CREBBP: variants seen among roughly 807,000 people sequenced by gnomAD.
CREBBP encodes CREB-binding protein.
In CREBBP, 19 loss-of-function variants were observed where a neutral mutation model predicts 265.0. The observed-to-expected ratio is 0.07, with a 90% CI of 0.05 to 0.11. The LOEUF (loss-of-function observed/expected upper bound fraction) is 0.11, where lower values mean the gene tolerates loss of function less well. CREBBP is among the 10% of genes least tolerant of loss of function. CREBBP has a pLI of 1.00. For missense variants in CREBBP, 2,525 were observed against 3,219.0 expected (o/e 0.78, Z 5.22); for synonymous variants, 1,457 against 1,223.7 (o/e 1.19, Z -3.98).
intron 2 of CREBBP, among the ~76,000 whole-genome samples, chr16:3,825,047 G>T (rs1223096069): frequency 6.6e-6 from 1 of 152,186 alleles, no homozygotes; most frequent in East Asian, 1.9e-4. Flanking sequence ...ATAGAGCACA[G>T]AAAATCTCTA....
rs753823111 is a variant in CREBBP, at chr16:3,879,963, G to C, written c.-47C>G. On this transcript the variant is annotated 5_prime_UTR_variant, in exon 1 of 31. Coordinates refer to ENST00000262367, the MANE Select transcript of CREBBP (RefSeq NM_004380.3). The stretch of plus-strand genomic sequence containing the variant: ...GCCCCGGGCACGGGCGGCCGGGCCG[G>C]CGAGGGCCCGGACGGGGGTCGGGGG... 7 of 1,566,560 alleles carry C rather than the reference G, an allele frequency of 4.5e-6. No individual in the cohort carries two copies. Among genetic ancestry groups the C allele is most frequent in the Middle Eastern group, 1.7e-4 (1 of 5,732 alleles).
At chr16:3,792,567 G>A (rs2053527319) in intron 4 of CREBBP, among the ~76,000 whole-genome samples, 1 of 152,088 alleles carries the variant, frequency 6.6e-6, no homozygotes, top group African/African-American at 2.4e-5. Context: ...GTACTCGAGA[G>A]GCTAACTGAC....
chr16:3,870,703 C>T (rs2055276101), intron 1 of CREBBP, among the ~76,000 whole-genome samples: 1 of 152,226 alleles, frequency 6.6e-6, no homozygotes, highest in Non-Finnish European at 1.5e-5. Flanking sequence ...GAGAAGCCTC[C>T]TGATTCCGGG....
intron 2 of CREBBP, among the ~76,000 whole-genome samples, chr16:3,849,434 TGTG>T (rs2054755910): frequency 9.9e-5 from 1 of 10,068 alleles, no homozygotes; most frequent in East Asian, 0.016. Context: ...TGTGTGTGTG[TGTG>T]TGTGTGTGTG....
chr16:3,867,758 A>G (rs2055206245), intron 1 of CREBBP, among the ~76,000 whole-genome samples: 2 of 126,260 alleles, frequency 1.6e-5, no homozygotes, highest in African/African-American at 6.1e-5. Flanking sequence ...TATCTCTACT[A>G]AAAAAAAAAA....
chr16:3,752,597 G>A (rs1279074604), intron 19 of CREBBP, among the ~76,000 whole-genome samples: 2 of 151,968 alleles, frequency 1.3e-5, no homozygotes, highest in Admixed American at 6.5e-5. Flanking sequence ...AATATACAGA[G>A]TAAGAAATGT....
intron 14 of CREBBP, 78 bp from the exon 15 acceptor site, chr16:3,769,431 T>C (rs1005512016): frequency 5.8e-6 from 9 of 1,541,930 alleles, no homozygotes; most frequent in East Asian, 2.2e-5. Context: ...TCATGCAACC[T>C]ACAATTTCCC....
In CREBBP at chr16:3,770,627, G is replaced by A. The variant is rs762072105; in HGVS notation, c.2823C>T (p.Thr941=). 6.2e-7 allele frequency: 1 copy of A among 1,613,950 alleles called. No individual in the cohort carries two copies. Among genetic ancestry groups the A allele is most frequent in the Admixed American group, 1.7e-5 (1 of 60,022 alleles). ...QTPVQPPSVA[T]PQSSQQQPTP... ...TCGGCTGTTGCTGCGATGACTGAGG[G>A]GTAGCCACAGACGGGGGCTGAACTG... Residue 941 remains threonine, a synonymous_variant, in exon 14 of 31, where the codon ACC becomes ACT. Coordinates refer to ENST00000262367, the MANE Select transcript of CREBBP (RefSeq NM_004380.3).
At position 3,770,892 on chromosome 16, in the gene CREBBP, A is replaced by AGTG; in HGVS notation, c.2555_2557dup (p.Pro852dup). Reference sequence around the variant, plus strand: ...GGAAGCAGGAGGCGGTGTTGGGTGCAGTGGTGACTGTGTCACTGGAGGGCA... The same window carrying AGTG: ...GGAAGCAGGAGGCGGTGTTGGGTGCAGTGGTGGTGACTGTGTCACTGGAGGGCA... On this transcript the variant is annotated inframe_insertion, in exon 14 of 31. Transcript: ENST00000262367. 6.2e-7 allele frequency: 1 copy of AGTG among 1,613,824 alleles called. No homozygotes were observed. The highest frequency in any genetic ancestry group is 8.5e-7 in the Non-Finnish European group (1 of 1,180,008).
In CREBBP at chr16:3,768,058, A is replaced by G; in HGVS notation, c.3061-149T>C. 2 of 731,724 alleles carry G rather than the reference A, an allele frequency of 2.7e-6. 1 individual carries two copies. The highest frequency in any genetic ancestry group is 3.1e-5 in the South Asian group (2 of 64,546). 45.3% of individuals were successfully genotyped at this position (731,724 alleles called of 1,614,324 possible). ...TTTATGATTCCTCTTCTCTTCCGGA[A>G]GAAGAAATAAAGTACTTGGTGTTCA... On this transcript the variant is annotated intron_variant, in intron 15 of 30. Transcript: ENST00000262367.
intron 2 of CREBBP, among the ~76,000 whole-genome samples, chr16:3,828,841 T>A (rs1003483277): frequency 4.6e-5 from 7 of 152,154 alleles, no homozygotes; most frequent in African/African-American, 1.4e-4. Context: ...ATAAAAGACA[T>A]ATGGCACCCA....
At chr16:3,857,119 C>A (rs1011154789) in intron 1 of CREBBP, among the ~76,000 whole-genome samples, 6 of 152,154 alleles carry the variant, frequency 3.9e-5, no homozygotes, top group Non-Finnish European at 5.9e-5. Context: ...ACTCTCAGAG[C>A]TATCAGTTTT....
intron 1 of CREBBP, among the ~76,000 whole-genome samples, chr16:3,866,381 C>T (rs1289879795): frequency 6.6e-6 from 1 of 152,084 alleles, no homozygotes; most frequent in Non-Finnish European, 1.5e-5. Context: ...GATCAGACGC[C>T]ACACTAAAAC....
intron 1 of CREBBP, among the ~76,000 whole-genome samples, chr16:3,873,378 T>C (rs1288499119): frequency 1.3e-5 from 2 of 152,146 alleles, no homozygotes; most frequent in East Asian, 1.9e-4. Flanking sequence ...GAGTCAATGG[T>C]ATAGATGACA....
chr16:3,762,441 A>G (rs1344347942), intron 16 of CREBBP, among the ~76,000 whole-genome samples: 1 of 144,670 alleles, frequency 6.9e-6, no homozygotes, highest in East Asian at 2.0e-4. Flanking sequence ...TCGGCCCCCA[A>G]AGTGCTGGGA....
chr16:3,739,845 C>A, intron 24 of CREBBP, 121 bp from the exon 25 acceptor site: 1 of 1,403,696 alleles, frequency 7.1e-7, no homozygotes, highest in Non-Finnish European at 1.0e-6. Context: ...GCCACCTCCT[C>A]AGACCGTGGC....
chr16:3,854,240 T>C (rs890407070), intron 1 of CREBBP, among the ~76,000 whole-genome samples: 2 of 152,186 alleles, frequency 1.3e-5, no homozygotes, highest in African/African-American at 2.4e-5. Flanking sequence ...ACCAGGACCA[T>C]TGTGGAAAAG....
intron 1 of CREBBP, among the ~76,000 whole-genome samples, chr16:3,861,721 A>G (rs2055078510): frequency 6.7e-6 from 1 of 149,468 alleles, no homozygotes; most frequent in South Asian, 2.1e-4. Context: ...AGTAATTTTT[A>G]TCTAGGCATT....
chr16:3,760,740 G>C (rs1159801533), intron 16 of CREBBP, among the ~76,000 whole-genome samples: 2 of 151,974 alleles, frequency 1.3e-5, no homozygotes, highest in Non-Finnish European at 2.9e-5. Flanking sequence ...TAGAGACAGA[G>C]TCTTGCTCCA....
Sources: gnomAD v4.1 joint callset for allele counts (sites outside exome capture counted in the v4.1 genomes callset) on GRCh38, gnomAD v4.1.1 for gene constraint, MANE v1.5 for transcripts, NCBI Gene and HGNC (gene_info 2026-07-23, HGNC 2026-07-21) for gene names.